The following TBC1D12 variants were observed in gnomAD, a reference collection of about 807,000 sequenced individuals.
TBC1D12 encodes the protein TBC1 domain family member 12.
A neutral mutation model predicts 86.7 loss-of-function variants in TBC1D12; 56 were observed. The ratio of observed to expected loss-of-function variants is 0.65; its 90% confidence interval spans 0.52 to 0.81. The LOEUF (loss-of-function observed/expected upper bound fraction) is 0.81, where lower values mean the gene tolerates loss of function less well. TBC1D12 is among the 30% of genes least tolerant of loss of function. The pLI is 0.00. For synonymous variants in TBC1D12, 421 were observed against 411.7 expected (o/e 1.02, Z -0.27); for missense variants, 1,023 against 1,038.8 (o/e 0.98, Z 0.21).
intron 11 of TBC1D12, among the ~76,000 whole-genome samples, chr10:94,529,497 A>G (rs1842373282): frequency 6.6e-6 from 1 of 152,202 alleles, no homozygotes; most frequent in African/African-American, 2.4e-5. Flanking sequence ...CCATACCTGT[A>G]GTCACAGCTA....
chr10:94,433,831 T>C (rs988284470), intron 1 of TBC1D12, among the ~76,000 whole-genome samples: 7 of 152,182 alleles, frequency 4.6e-5, no homozygotes, highest in Admixed American at 4.6e-4. Flanking sequence ...GCTTTAATAA[T>C]TTATACATGT....
chr10:94,405,812 AT>A (rs34165101), intron 1 of TBC1D12, among the ~76,000 whole-genome samples: 33,114 of 143,772 alleles, frequency 0.23, 3,555 homozygotes, highest in South Asian at 0.34. Flanking sequence ...ATTTCTGAAC[AT>A]TTTTTTTTTT....
At chr10:94,417,859 C>G (rs2055020619) in intron 1 of TBC1D12, among the ~76,000 whole-genome samples, 1 of 141,778 alleles carries the variant, frequency 7.1e-6, no homozygotes, top group South Asian at 2.4e-4. Context: ...CGCCATTCTC[C>G]TGCCTCACGC....
rs558274229 is a variant in TBC1D12 at position 94,403,251 on chromosome 10, A to G, written c.638A>G (p.Glu213Gly). The G allele has an allele frequency of 1.2e-4, 178 of 1,506,222 alleles. No homozygotes were observed. The African/African-American group carries it at 2.3e-3, about 19-fold the overall frequency. The allele number at this position is 1,506,222 out of a possible 1,614,324, so 93.3% of individuals were successfully genotyped here. A position where few individuals can be genotyped will look rare whatever the true frequency, so the allele number is the denominator to read the frequency against. Reference sequence around the variant, plus strand: ...GTGGCCGCGGACGCCCAGGAGCCCGAGGGCGCGGGCAGCGACTCGGGGGAC... The same window carrying G: ...GTGGCCGCGGACGCCCAGGAGCCCGGGGGCGCGGGCAGCGACTCGGGGGAC... The part of the protein sequence containing the change: ...CLVAADAQEP[E>G]GAGSDSGDSP... The change falls in exon 1 of 13, where the codon GAG becomes GGG. Residue 213 changes from glutamate to glycine, a missense_variant. Transcript: ENST00000225235.
intron 3 of TBC1D12, among the ~76,000 whole-genome samples, chr10:94,485,600 T>C (rs1290539826): frequency 6.6e-6 from 1 of 150,792 alleles, no homozygotes; most frequent in Non-Finnish European, 1.5e-5. Context: ...AAGGTAATAC[T>C]GGCCTCATAC....
chr10:94,531,425 A>G lies in TBC1D12; in HGVS notation c.2224A>G (p.Ile742Val). The G allele has an allele frequency of 6.2e-7, 1 of 1,614,058 alleles. No homozygotes were observed. Among genetic ancestry groups the G allele is most frequent in the Non-Finnish European group, 8.5e-7 (1 of 1,179,960 alleles). The change falls in exon 12 of 13, where the codon ATT (isoleucine) becomes GTT (valine). Residue 742 changes from isoleucine (I) to valine (V), a missense_variant. By Grantham distance (29) the Ile-to-Val change is conservative. Around this residue, in one of 2 missense-constraint regions of TBC1D12, gnomAD observed 395 missense variants for 507.7 expected, o/e 0.78. Transcript: ENST00000225235. ...SEKLFSCIAA[I>V]QMQNSTKKWT... ...AAAGCTGTTCAGTTGTATTGCAGCC[A>G]TTCAGATGCAGAATAGCACCAAAAA...
intron 9 of TBC1D12, among the ~76,000 whole-genome samples, chr10:94,514,638 TAC>T (rs1396617226): frequency 6.6e-6 from 1 of 152,226 alleles, no homozygotes; most frequent in Non-Finnish European, 1.5e-5. Context: ...TTTGTATACA[TAC>T]ACACACTCTC....
intron 9 of TBC1D12, among the ~76,000 whole-genome samples, chr10:94,521,369 C>G (rs538745385): frequency 7.2e-5 from 11 of 152,222 alleles, no homozygotes; most frequent in African/African-American, 2.6e-4. Flanking sequence ...CTCTAAATGC[C>G]TTTCCTTACT....
intron 1 of TBC1D12, among the ~76,000 whole-genome samples, chr10:94,407,799 C>G (rs957358884): frequency 6.6e-6 from 1 of 151,984 alleles, no homozygotes; most frequent in Non-Finnish European, 1.5e-5. Flanking sequence ...ATTTGTTACT[C>G]TTTTTAAAAA....
chr10:94,495,762 C>T (rs1444374156), intron 4 of TBC1D12, among the ~76,000 whole-genome samples: 1 of 151,840 alleles, frequency 6.6e-6, no homozygotes, highest in African/African-American at 2.4e-5. Context: ...GAACATTCTC[C>T]CAAGAAATCT....
chr10:94,404,912 T>C (rs373456102), intron 1 of TBC1D12, among the ~76,000 whole-genome samples: 8 of 152,066 alleles, frequency 5.3e-5, no homozygotes, highest in African/African-American at 1.9e-4. Flanking sequence ...GCCGGGCATG[T>C]TGGCAGGCGA....
intron 11 of TBC1D12, among the ~76,000 whole-genome samples, chr10:94,522,699 A>T (rs1270253576): frequency 2.0e-5 from 3 of 152,078 alleles, no homozygotes; most frequent in Non-Finnish European, 4.4e-5. Flanking sequence ...GGATCACCTG[A>T]GGTCAGGAGT....
At chr10:94,417,753 T>C (rs1264411727) in intron 1 of TBC1D12, among the ~76,000 whole-genome samples, 5 of 148,106 alleles carry the variant, frequency 3.4e-5, no homozygotes, top group Middle Eastern at 3.5e-3. Flanking sequence ...TCTTCTTCTT[T>C]TTTTTTTTTT....
chr10:94,439,254 T>A (rs1302270498), intron 1 of TBC1D12, among the ~76,000 whole-genome samples: 1 of 152,206 alleles, frequency 6.6e-6, no homozygotes, highest in Non-Finnish European at 1.5e-5. Context: ...CTTTTGTAGA[T>A]CATGTTTTTG....
intron 9 of TBC1D12, among the ~76,000 whole-genome samples, chr10:94,516,691 A>G (rs1433313383): frequency 6.6e-6 from 1 of 151,652 alleles, no homozygotes; most frequent in Non-Finnish European, 1.5e-5. Context: ...TCTTGCGAAC[A>G]GTTTGCTGAG....
At chr10:94,479,647 T>C (rs1245395882) in intron 3 of TBC1D12, among the ~76,000 whole-genome samples, 1 of 152,162 alleles carries the variant, frequency 6.6e-6, no homozygotes, top group East Asian at 1.9e-4. Context: ...AGGTAGTTAG[T>C]ATGTGTAGGC....
In TBC1D12 at chr10:94,535,799, T is replaced by C. The variant is rs576499512; in HGVS notation, c.*2703T>C. The stretch of plus-strand genomic sequence containing the variant: ...GGACCTAAGTTACTGTATTTGTTTT[T>C]CTTATTTTTTTATTATTGTACAGTT... On this transcript the variant is annotated 3_prime_UTR_variant, in exon 13 of 13. Transcript: ENST00000225235. 1 of 152,326 alleles carries C rather than the reference T, an allele frequency of 6.6e-6. No individual in the cohort carries two copies. Among genetic ancestry groups the C allele is most frequent in the Admixed American group, 6.5e-5 (1 of 15,286 alleles). The allele number at this position is 152,326 out of a possible 1,614,324, so 9.4% of individuals were successfully genotyped here. A position where few individuals can be genotyped will look rare whatever the true frequency, so the allele number is the denominator to read the frequency against.
At chr10:94,465,945 CGTATGTATGTATATACAT>C (rs2055815425) in intron 2 of TBC1D12, among the ~76,000 whole-genome samples, 1 of 149,900 alleles carries the variant, frequency 6.7e-6, no homozygotes, top group Non-Finnish European at 1.5e-5. Context: ...TGTATATACG[CGTATGTATGTATATACAT>C]GTATGTGTAT....
intron 7 of TBC1D12, chr10:94,508,475 T>G (rs1400319565): frequency 6.6e-6 from 1 of 151,762 alleles, no homozygotes; most frequent in East Asian, 1.9e-4. Flanking sequence ...CTGCTTCAGT[T>G]TCATTGATTT....
Sources: gnomAD v4.1 joint callset for allele counts (sites outside exome capture counted in the v4.1 genomes callset) on GRCh38, gnomAD v4.1.1 for gene constraint, gnomAD v4.1.1 regional missense constraint, MANE v1.5 for transcripts, NCBI Gene and HGNC (gene_info 2026-07-23, HGNC 2026-07-21) for gene names.